WFDC2: variants seen among roughly 807,000 people sequenced by gnomAD.
WFDC2 encodes WAP four-disulfide core domain protein 2.
Under a neutral mutation model 12.5 loss-of-function variants are expected in WFDC2, and 8 were observed. That is an observed-to-expected ratio of 0.64 (90% CI 0.37 to 1.15). WFDC2 has a LOEUF of 1.15. Among genes scored for constraint, WFDC2 ranks in the 50% most tolerant of loss-of-function variants. The pLI is 0.01. For missense variants in WFDC2, 166 were observed against 159.9 expected (o/e 1.04, Z -0.21); for synonymous variants, 74 against 67.2 (o/e 1.10, Z -0.49).
intron 2 of WFDC2, chr20:45,479,316 C>A: frequency 2.8e-6 from 1 of 361,110 alleles, no homozygotes; most frequent in Non-Finnish European, 5.2e-6. Flanking sequence ...GCAGTTAACA[C>A]ATAGACTCTG....
chr20:45,470,294 G>T lies in WFDC2; in HGVS notation c.80-95G>T. The T allele has an allele frequency of 6.8e-7, 1 of 1,463,790 alleles. No homozygotes were observed. 90.7% of individuals were successfully genotyped at this position (1,463,790 alleles called of 1,614,324 possible). Reference sequence around the variant, plus strand: ...GGGGACTCCTAGGGCCAGAGACTGAGAATTCCTTGGGGTTAAGGTTTGGAG... The same window carrying T: ...GGGGACTCCTAGGGCCAGAGACTGATAATTCCTTGGGGTTAAGGTTTGGAG... On this transcript the variant is annotated intron_variant, in intron 1 of 3. Coordinates refer to ENST00000372676, the MANE Select transcript of WFDC2 (RefSeq NM_006103.4). This position sits in a 1 kb window ranked among gnomAD's most constrained non-coding sequence, Gnocchi z 5.4.
At chr20:45,471,341 A>G (rs1991169912) in intron 2 of WFDC2, 1 of 345,366 alleles carries the variant, frequency 2.9e-6, no homozygotes, top group Admixed American at 3.6e-5. Flanking sequence ...CTTAAACAGC[A>G]TGGAATCTCA....
chr20:45,470,670 C>A lies in WFDC2; in HGVS notation c.223+138C>A. The A allele has an allele frequency of 8.1e-7, 1 of 1,227,974 alleles. No homozygotes were observed. Among genetic ancestry groups the A allele is most frequent in the Non-Finnish European group, 1.1e-6 (1 of 909,012 alleles). 76.1% of individuals were successfully genotyped at this position (1,227,974 alleles called of 1,614,324 possible). On this transcript the variant is annotated intron_variant, in intron 2 of 3. Transcript: ENST00000372676. This position sits in a 1 kb window ranked among gnomAD's most constrained non-coding sequence, Gnocchi z 5.4. ...AAAGTCAAGGCGGTTGAAACCAGAT[C>A]CGTCAGTCCTCTCCCTCGCACGGCC...
chr20:45,470,911 T>A lies in WFDC2; in HGVS notation c.223+379T>A, dbSNP rs2145501034. Among the ~76,000 whole-genome samples, 1 of 152,206 alleles carries A rather than the reference T, an allele frequency of 6.6e-6. No individual in the cohort carries two copies. Among genetic ancestry groups the A allele is most frequent in the African/African-American group, 2.4e-5 (1 of 41,558 alleles). ...AGCCTGGGGCGCTCACCTCTCCTCTTGGAGTCCCTCCCTGGGGGCCTCCCC... is the reference window on the plus strand; with the variant it reads ...AGCCTGGGGCGCTCACCTCTCCTCTAGGAGTCCCTCCCTGGGGGCCTCCCC... On this transcript the variant is annotated intron_variant, in intron 2 of 3. Transcript: ENST00000372676. The surrounding 1 kb of genome is among the most constrained non-coding windows in gnomAD (Gnocchi z 5.4).
In WFDC2 at chr20:45,470,563, G is replaced by A. The variant is rs1166900521; in HGVS notation, c.223+31G>A. On this transcript the variant is annotated intron_variant, in intron 2 of 3. Coordinates refer to ENST00000372676, the MANE Select transcript of WFDC2 (RefSeq NM_006103.4). This position sits in a 1 kb window ranked among gnomAD's most constrained non-coding sequence, Gnocchi z 5.4. ...CCCACGGCGGCCGAGCGGGAACGGG[G>A]CGGGGCCGCGCTGGGCTGGGAGGAG... The A allele has an allele frequency of 1.3e-6, 2 of 1,554,854 alleles. No homozygotes were observed. Among genetic ancestry groups the A allele is most frequent in the Non-Finnish European group, 1.7e-6 (2 of 1,146,262 alleles).
chr20:45,473,299 GT>G (rs2145502806), intron 2 of WFDC2, among the ~76,000 whole-genome samples: 1 of 152,250 alleles, frequency 6.6e-6, no homozygotes, highest in Admixed American at 6.5e-5. Context: ...TTCTTCTAGG[GT>G]TTTTATGGTT....
At chr20:45,477,081 T>G (rs1991241883) in intron 2 of WFDC2, among the ~76,000 whole-genome samples, 1 of 152,050 alleles carries the variant, frequency 6.6e-6, no homozygotes, top group Admixed American at 6.6e-5. Flanking sequence ...TCCTATAACC[T>G]TTTTTCAAGG....
Position 45,470,565 on chromosome 20 carries a change from G to T in WFDC2, c.223+33G>T, listed in dbSNP as rs1991157073. 3.2e-6 allele frequency: 5 copies of T among 1,555,368 alleles called. No individual in the cohort carries two copies. Among genetic ancestry groups the T allele is most frequent in the Non-Finnish European group, 4.4e-6 (5 of 1,146,880 alleles). The stretch of plus-strand genomic sequence containing the variant: ...CACGGCGGCCGAGCGGGAACGGGGC[G>T]GGGCCGCGCTGGGCTGGGAGGAGGT... On this transcript the variant is annotated intron_variant, in intron 2 of 3. Coordinates refer to ENST00000372676, the MANE Select transcript of WFDC2 (RefSeq NM_006103.4). The surrounding 1 kb of genome is among the most constrained non-coding windows in gnomAD (Gnocchi z 5.4).
chr20:45,481,066 G>A (rs1392005600), intron 3 of WFDC2, among the ~76,000 whole-genome samples: 1 of 152,166 alleles, frequency 6.6e-6, no homozygotes. Context: ...CTTGGGGAGA[G>A]AAATGGCCAT....
chr20:45,470,250 G>A lies in WFDC2; in HGVS notation c.80-139G>A. Reference sequence around the variant, plus strand: ...TCAGGGACTCCTGGTCTGGAAGAAGGAGTCTCTGGGGGCTGTAAGGGGACT... The same window carrying A: ...TCAGGGACTCCTGGTCTGGAAGAAGAAGTCTCTGGGGGCTGTAAGGGGACT... On this transcript the variant is annotated intron_variant, in intron 1 of 3. Transcript: ENST00000372676. The surrounding 1 kb of genome is among the most constrained non-coding windows in gnomAD (Gnocchi z 5.4). The A allele has an allele frequency of 8.1e-7, 1 of 1,235,600 alleles. No individual in the cohort carries two copies. Among genetic ancestry groups the A allele is most frequent in the Non-Finnish European group, 1.1e-6 (1 of 916,888 alleles). 76.5% of individuals were successfully genotyped at this position (1,235,600 alleles called of 1,614,324 possible). A position where few individuals can be genotyped will look rare whatever the true frequency, so the allele number is the denominator to read the frequency against.
Position 45,469,933 on chromosome 20 carries a change from G to T in WFDC2, c.79+73G>T, listed in dbSNP as rs942285551. 3.1e-5 allele frequency: 48 copies of T among 1,539,126 alleles called. No homozygotes were observed. The Admixed American group carries it at 3.3e-4, about 11-fold the overall frequency. ...AGCGCCAGGATGGAGCCAGGCGGAG[G>T]CGTAGCCTCTGGAGGCTGGGGAAGT... On this transcript the variant is annotated intron_variant, in intron 1 of 3. Transcript: ENST00000372676.
At chr20:45,474,894 G>T (rs928994188) in intron 2 of WFDC2, among the ~76,000 whole-genome samples, 1 of 152,110 alleles carries the variant, frequency 6.6e-6, no homozygotes, top group Non-Finnish European at 1.5e-5. Context: ...ACTTCTTCCT[G>T]GTTTAGACTT....
At chr20:45,474,916 T>C (rs546280988) in intron 2 of WFDC2, among the ~76,000 whole-genome samples, 1 of 152,240 alleles carries the variant, frequency 6.6e-6, no homozygotes, top group Admixed American at 6.5e-5. Flanking sequence ...GGAGGGTGTA[T>C]GTGTCCAGGA....
chr20:45,478,908 T>G (rs901646671), intron 2 of WFDC2, among the ~76,000 whole-genome samples: 2 of 152,226 alleles, frequency 1.3e-5, no homozygotes, highest in African/African-American at 4.8e-5. Context: ...CCCGGTGATC[T>G]GTCAGCCACT....
At chr20:45,478,487 G>C (rs1991260878) in intron 2 of WFDC2, among the ~76,000 whole-genome samples, 1 of 152,194 alleles carries the variant, frequency 6.6e-6, no homozygotes, top group East Asian at 1.9e-4. Flanking sequence ...TCCGTGGGCT[G>C]CACCCACTGT....
At position 45,474,539 on chromosome 20, in the gene WFDC2, G is replaced by C. The variant is rs140288050; in HGVS notation, c.223+4007G>C. ...CCAGGGACAAAGCCAACTTGATCAT[G>C]GTGGATAAGCTTTTTGATGTGCTGC... On this transcript the variant is annotated intron_variant, in intron 2 of 3. Transcript: ENST00000372676. Among the ~76,000 whole-genome samples the C allele has an allele frequency of 1.3e-3, 199 of 152,320 alleles. 2 individuals carry two copies. Among genetic ancestry groups the C allele is most frequent in the African/African-American group, 4.7e-3 (195 of 41,560 alleles).
chr20:45,470,325 G>C lies in WFDC2; in HGVS notation c.80-64G>C. 2 of 1,518,708 alleles carry C rather than the reference G, an allele frequency of 1.3e-6. No individual in the cohort carries two copies. The highest frequency in any genetic ancestry group is 1.8e-6 in the Non-Finnish European group (2 of 1,129,060). 94.1% of individuals were successfully genotyped at this position (1,518,708 alleles called of 1,614,324 possible). Reference sequence around the variant, plus strand: ...CTTGGGGTTAAGGTTTGGAGCAGGAGGTGGGCATCCTCTGGGGCTGGCGCT... The same window carrying C: ...CTTGGGGTTAAGGTTTGGAGCAGGACGTGGGCATCCTCTGGGGCTGGCGCT... On this transcript the variant is annotated intron_variant, in intron 1 of 3. Transcript: ENST00000372676. This position sits in a 1 kb window ranked among gnomAD's most constrained non-coding sequence, Gnocchi z 5.4.
intron 2 of WFDC2, among the ~76,000 whole-genome samples, chr20:45,478,575 GGGAGCTGCAGACT>G (rs1404311994): frequency 6.6e-6 from 1 of 152,118 alleles, no homozygotes; most frequent in Non-Finnish European, 1.5e-5. Context: ...TTGATTCACT[GGGAGCTGCAGACT>G]GGAGCTGTTA....
Position 45,480,030 on chromosome 20 carries a change from T to C in WFDC2, c.312T>C (p.Pro104=). The change falls in exon 3 of 4, where the codon CCT becomes CCC. Residue 104 remains proline, a synonymous_variant. Transcript: ENST00000372676. ...RDQCQVDSQC[P]GQMKCCRNGC... is the part of the protein sequence containing the mutation. Reference sequence around the variant, plus strand: ...AGTGCCAGGTGGACAGCCAGTGTCCTGGCCAGATGAAATGCTGCCGCAATG... The same window carrying C: ...AGTGCCAGGTGGACAGCCAGTGTCCCGGCCAGATGAAATGCTGCCGCAATG... 2 of 1,614,228 alleles carry C rather than the reference T, an allele frequency of 1.2e-6. No homozygotes were observed. Among genetic ancestry groups the C allele is most frequent in the Non-Finnish European group, 1.7e-6 (2 of 1,180,030 alleles).
Sources: allele counts gnomAD v4.1 joint callset (sites outside exome capture counted in the v4.1 genomes callset), GRCh38; gene constraint gnomAD v4.1.1; non-coding constraint Gnocchi (gnomAD v3.1); transcripts MANE v1.5; gene names NCBI Gene and HGNC (gene_info 2026-07-23, HGNC 2026-07-21).